ADCY7: variants seen among roughly 807,000 people sequenced by gnomAD.
The protein encoded by ADCY7 is adenylate cyclase 7, also known as adenylate cyclase type 7.
Under a neutral mutation model 120.6 loss-of-function variants are expected in ADCY7, and 72 were observed. That is an observed-to-expected ratio of 0.60 (90% CI 0.49 to 0.73). The LOEUF is 0.73. Ranked by LOEUF, ADCY7 falls within the 30% of genes least tolerant of loss-of-function variation. The pLI, the probability that ADCY7 is intolerant of heterozygous loss-of-function variation, is 0.00. For synonymous variants in ADCY7, 661 were observed against 628.0 expected, an observed-to-expected ratio of 1.05 and a Z score of -0.78; for missense variants, 1,227 against 1,486.0, an observed-to-expected ratio of 0.83 and a Z score of 2.87.
At chr16:50,265,525 G>A (rs937440968), upstream of ADCY7, among the ~76,000 whole-genome samples, 2 of 152,216 alleles carry the variant, frequency 1.3e-5, no homozygotes, top group African/African-American at 2.4e-5. Context: ...GGGGCTGGAC[G>A]CTGGGGACAC....
At position 50,313,009 on chromosome 16, in the gene ADCY7, C is replaced by G; in HGVS notation, c.2724C>G (p.Leu908=). 6.2e-7 allele frequency: 1 copy of G among 1,614,248 alleles called. No homozygotes were observed. The highest frequency in any genetic ancestry group is 1.1e-5 in the South Asian group (1 of 91,076). Reference sequence around the variant, plus strand: ...AAGGGCTGGAGTGCCTACGCCTGCTCAATGAGATCATTGCCGACTTCGACG... The same window carrying G: ...AAGGGCTGGAGTGCCTACGCCTGCTGAATGAGATCATTGCCGACTTCGACG... ...NKEGLECLRL[L]NEIIADFDEL... is the part of the protein sequence containing the mutation. The change falls in exon 22 of 26, where the codon CTC becomes CTG. Residue 908 remains leucine (L), a synonymous_variant. Coordinates refer to ENST00000673801, the MANE Select transcript of ADCY7 (RefSeq NM_001114.5).
intron 18 of ADCY7, 117 bp downstream of exon 18, chr16:50,309,763 G>A: frequency 1.1e-6 from 1 of 883,974 alleles, no homozygotes; most frequent in African/African-American, 1.7e-5. Context: ...GCATGTGGAG[G>A]CTGAGAACAG....
At chr16:50,294,313 T>C (rs977564225) in intron 6 of ADCY7, among the ~76,000 whole-genome samples, 37 of 152,054 alleles carry the variant, frequency 2.4e-4, no homozygotes, top group Non-Finnish European at 2.9e-4. Context: ...TGTGCTGTGG[T>C]GAACATTGGA....
Position 50,291,904 on chromosome 16 carries a change from G to A in ADCY7, c.537+7G>A. 1 of 1,604,332 alleles carries A rather than the reference G, an allele frequency of 6.2e-7. No individual in the cohort carries two copies. Among genetic ancestry groups the A allele is most frequent in the Non-Finnish European group, 8.5e-7 (1 of 1,174,952 alleles). On this transcript the variant is annotated splice_region_variant and intron_variant, in intron 4 of 25. Coordinates refer to ENST00000673801, the MANE Select transcript of ADCY7 (RefSeq NM_001114.5). ...TGTCCGGGTGGGGCTGCAGGTGAGGGATGGGCTAAGGCCTCTGGGGGAGGT... is the reference window on the plus strand; with the variant it reads ...TGTCCGGGTGGGGCTGCAGGTGAGGAATGGGCTAAGGCCTCTGGGGGAGGT...
upstream of ADCY7, among the ~76,000 whole-genome samples, chr16:50,262,893 G>A (rs2033097260): frequency 1.3e-5 from 2 of 152,220 alleles, no homozygotes; most frequent in Admixed American, 1.3e-4. Context: ...AAAGAAAGCG[G>A]GTGTTTGTTC....
Position 50,300,698 on chromosome 16 carries a change from G to A in ADCY7, c.1077-17G>A. On this transcript the variant is annotated splice_polypyrimidine_tract_variant and intron_variant, in intron 8 of 25. Transcript: ENST00000673801. ...GGGCTTAGGCAGGGCTGGGGTGACT[G>A]GGCCACTCTGCCCCAGGCAGGTGCG... 6.4e-7 allele frequency: 1 copy of A among 1,551,104 alleles called. No homozygotes were observed. The highest frequency in any genetic ancestry group is 8.7e-7 in the Non-Finnish European group (1 of 1,146,776).
chr16:50,245,102 T>C (rs1027127646), upstream of ADCY7, among the ~76,000 whole-genome samples: 1 of 152,244 alleles, frequency 6.6e-6, no homozygotes, highest in African/African-American at 2.4e-5. Context: ...CACCAAGATC[T>C]CTCCCCTCTA....
At chr16:50,274,454 A>T (rs953995303) in intron 1 of ADCY7, among the ~76,000 whole-genome samples, 1 of 7,942 alleles carries the variant, frequency 1.3e-4, no homozygotes, top group Non-Finnish European at 2.6e-4. Flanking sequence ...TTGGTGGGGG[A>T]GGCTGGGTGG....
At chr16:50,248,077 T>C (rs1239780626) in intron 1 of ADCY7, among the ~76,000 whole-genome samples, 1 of 151,992 alleles carries the variant, frequency 6.6e-6, no homozygotes, top group Admixed American at 6.6e-5. Flanking sequence ...ACAGGTCTGG[T>C]AGCAAGGAGC....
At chr16:50,274,467 C>G (rs1363088878) in intron 1 of ADCY7, among the ~76,000 whole-genome samples, 1 of 151,942 alleles carries the variant, frequency 6.6e-6, no homozygotes, top group Non-Finnish European at 1.5e-5. Flanking sequence ...CTGGGTGGGG[C>G]TGCTTCCCCT....
upstream of ADCY7, among the ~76,000 whole-genome samples, chr16:50,245,856 A>G (rs1052608340): frequency 1.3e-5 from 2 of 151,852 alleles, no homozygotes; most frequent in African/African-American, 4.8e-5. Context: ...CGGTACCTGG[A>G]GAAGGTCCTG....
At chr16:50,301,305 A>G in intron 10 of ADCY7, 91 bp downstream of exon 10, 4 of 1,454,040 alleles carry the variant, frequency 2.8e-6, no homozygotes, top group Non-Finnish European at 3.7e-6. Context: ...GGAAACCCCC[A>G]TGTGGAGGGA....
At position 50,298,985 on chromosome 16, in the gene ADCY7, G is replaced by T. The variant is rs1364108078; in HGVS notation, c.1030G>T (p.Ala344Ser). ...SGLPVSLPTH[A>S]RNCVKMGLDM... ...CCTGCCCGTGTCGCTGCCTACCCAC[G>T]CCCGGAACTGCGTGAAGATGGGGCT... is the stretch of plus-strand genomic sequence containing the variant. Residue 344 changes from alanine (A) to serine (S), a missense_variant, in exon 8 of 26, where the codon GCC (alanine) becomes TCC (serine). Ala to Ser is a moderately conservative substitution (Grantham distance 99). Coordinates refer to ENST00000673801, the MANE Select transcript of ADCY7 (RefSeq NM_001114.5). The T allele has an allele frequency of 6.2e-7, 1 of 1,613,146 alleles. No homozygotes were observed. Among genetic ancestry groups the T allele is most frequent in the Non-Finnish European group, 8.5e-7 (1 of 1,179,990 alleles).
At position 50,311,731 on chromosome 16, in the gene ADCY7, T is replaced by G. The variant is rs140941912; in HGVS notation, c.2393T>G (p.Met798Arg). ...PSCSWKDLKT[M>R]TNFYLVLFYI... ...TGTTCCTGGAAGGACCTGAAGACCATGACCAATTTCTACCTGGTCCTGTTC... is the reference window on the plus strand; with the variant it reads ...TGTTCCTGGAAGGACCTGAAGACCAGGACCAATTTCTACCTGGTCCTGTTC... The change falls in exon 20 of 26, where the codon ATG becomes AGG. Residue 798 changes from methionine (M) to arginine (R), a missense_variant. Physicochemically the swap from Met to Arg is moderately conservative, Grantham distance 91 (BLOSUM62 -1). Transcript: ENST00000673801. 1.1e-5 allele frequency: 17 copies of G among 1,606,248 alleles called. No individual in the cohort carries two copies. The African/African-American group carries it at 2.3e-4, about 22-fold the overall frequency.
chr16:50,279,944 G>T (rs1464062987), intron 1 of ADCY7, among the ~76,000 whole-genome samples: 1 of 152,104 alleles, frequency 6.6e-6, no homozygotes, highest in Non-Finnish European at 1.5e-5. Context: ...GTAACAAGAT[G>T]ATGCTGGCCT....
At chr16:50,304,614 A>G (rs2035942729) in intron 11 of ADCY7, 63 bp downstream of exon 11, 1 of 1,440,976 alleles carries the variant, frequency 6.9e-7, no homozygotes, top group South Asian at 1.4e-5. Flanking sequence ...CAGGAGAGTG[A>G]GTGCTGAAGA....
Position 50,315,608 on chromosome 16 carries a change from A to G in ADCY7, c.*103A>G. 7.1e-7 allele frequency: 1 copy of G among 1,413,666 alleles called. No homozygotes were observed. Among genetic ancestry groups the G allele is most frequent in the Non-Finnish European group, 9.6e-7 (1 of 1,037,904 alleles). 87.6% of individuals were successfully genotyped at this position (1,413,666 alleles called of 1,614,324 possible). On this transcript the variant is annotated 3_prime_UTR_variant, in exon 26 of 26. Coordinates refer to ENST00000673801, the MANE Select transcript of ADCY7 (RefSeq NM_001114.5). ...CCACGCCAATCCCAAAGGCATGCAG[A>G]TGGCTGTGCATGTTGGCTTCTTTGG...
intron 1 of ADCY7, among the ~76,000 whole-genome samples, chr16:50,282,713 C>CTT (rs761341913): frequency 1.2e-4 from 14 of 118,222 alleles, no homozygotes; most frequent in Non-Finnish European, 1.4e-4. Flanking sequence ...TAAATCCCAG[C>CTT]TTTTTTTTTT....
intron 21 of ADCY7, 121 bp from the exon 22 acceptor site, chr16:50,312,768 CT>C (rs2036557726): frequency 1.1e-6 from 1 of 893,858 alleles, no homozygotes; most frequent in African/African-American, 1.7e-5. Context: ...GCCCGCCCCC[CT>C]CCCCACTCCC....
Sources: allele counts gnomAD v4.1 joint callset (sites outside exome capture counted in the v4.1 genomes callset), GRCh38; gene constraint gnomAD v4.1.1; transcripts MANE v1.5; gene names NCBI Gene and HGNC (gene_info 2026-07-23, HGNC 2026-07-21).